The following SDR42E2 variants were observed in gnomAD, a reference collection of about 807,000 sequenced individuals.
SDR42E2 encodes putative short-chain dehydrogenase/reductase family 42E member 2.
SDR42E2 carries 20 observed loss-of-function variants against 10.5 expected under a neutral mutation model. That is an observed-to-expected ratio of 1.90 (90% CI 1.34 to 2.77). The LOEUF (loss-of-function observed/expected upper bound fraction) is 2.77, where lower values mean the gene tolerates loss of function less well. SDR42E2 is among the 30% of genes most tolerant of loss of function. The pLI is 0.00. For synonymous variants in SDR42E2, 72 were observed against 39.2 expected (o/e 1.84, Z -3.12); for missense variants, 162 against 104.2 (o/e 1.55, Z -2.42).
chr16:22,185,837 C>A (rs1296362395), intron 11 of SDR42E2, among the ~76,000 whole-genome samples: 1 of 151,996 alleles, frequency 6.6e-6, no homozygotes, highest in African/African-American at 2.4e-5. Context: ...GAACTCCTGG[C>A]CTGAAGCGAT....
chr16:22,173,741 G>T (rs2046619409), intron 7 of SDR42E2, among the ~76,000 whole-genome samples: 1 of 151,594 alleles, frequency 6.6e-6, no homozygotes, highest in Non-Finnish European at 1.5e-5. Context: ...TCACTATTTG[G>T]GCCGGTACAG....
At position 22,176,554 on chromosome 16, in the gene SDR42E2, A is replaced by T. The variant is rs562604631; in HGVS notation, c.590-1576A>T. The stretch of plus-strand genomic sequence containing the variant: ...ATTTTTTAAATCTTAAACATGAATT[A>T]TGAGGATAAACTGAATACTTTGTAG... On this transcript the variant is annotated intron_variant, in intron 7 of 12. Coordinates refer to ENST00000602312, the MANE Select transcript of SDR42E2 (RefSeq NM_001394319.2). Among the ~76,000 whole-genome samples the T allele has an allele frequency of 2.3e-3, 345 of 152,362 alleles. 1 individual carries two copies. Among genetic ancestry groups the T allele is most frequent in the Admixed American group, 4.3e-3 (66 of 15,292 alleles).
At chr16:22,185,684 T>G (rs2046731661) in intron 11 of SDR42E2, among the ~76,000 whole-genome samples, 1 of 152,148 alleles carries the variant, frequency 6.6e-6, no homozygotes, top group Non-Finnish European at 1.5e-5. Context: ...CATAACTCAC[T>G]GCAGACTCAA....
intron 7 of SDR42E2, among the ~76,000 whole-genome samples, chr16:22,174,746 A>G (rs2046630532): frequency 6.6e-6 from 1 of 152,094 alleles, no homozygotes; most frequent in Admixed American, 6.6e-5. Flanking sequence ...TATTTATATG[A>G]GCATCTGCAG....
Position 22,169,513 on chromosome 16 carries a change from A to T in SDR42E2, c.394+11A>T. The T allele has an allele frequency of 1.4e-6, 1 of 703,522 alleles. No homozygotes were observed. Among genetic ancestry groups the T allele is most frequent in the Non-Finnish European group, 2.6e-6 (1 of 385,114 alleles). The allele number at this position is 703,522 out of a possible 1,614,324, so 43.6% of individuals were successfully genotyped here. On this transcript the variant is annotated intron_variant, in intron 5 of 12. Transcript: ENST00000602312. ...AACTAGTGATTGATGGTAGGTGCTC[A>T]GAGCCGGGTATGACCTGCTGTGCCT... is the stretch of plus-strand genomic sequence containing the variant.
chr16:22,176,782 A>G (rs8044340), intron 7 of SDR42E2, among the ~76,000 whole-genome samples: 40,446 of 151,970 alleles, frequency 0.27, 7,325 homozygotes, highest in East Asian at 0.81. Flanking sequence ...TCAGACTGTA[A>G]CCCCAGACCG....
Position 22,190,175 on chromosome 16 carries a change from G to C in SDR42E2, c.1051G>C (p.Ala351Pro). ...GGCCGTGACGCACACCTTCCAGATA[G>C]CCAAGGCCCGCGCCCAGCTCGGCTA... ...SVAVTHTFQI[A>P]KARAQLGYAP... The change falls in exon 13 of 13, where the codon GCC (alanine) becomes CCC (proline). Residue 351 changes from alanine to proline, a missense_variant. Transcript: ENST00000602312. 5.0e-6 allele frequency: 2 copies of C among 401,142 alleles called. No individual in the cohort carries two copies. Among genetic ancestry groups the C allele is most frequent in the Non-Finnish European group, 8.8e-6 (2 of 226,168 alleles). 24.8% of individuals were successfully genotyped at this position (401,142 alleles called of 1,614,324 possible).
Position 22,166,313 on chromosome 16 carries a change from G to A in SDR42E2, c.119G>A (p.Gly40Glu), listed in dbSNP as rs2046539050. 3 of 402,302 alleles carry A rather than the reference G, an allele frequency of 7.5e-6. No homozygotes were observed. Among genetic ancestry groups the A allele is most frequent in the Admixed American group, 4.4e-5 (1 of 22,780 alleles). 24.9% of individuals were successfully genotyped at this position (402,302 alleles called of 1,614,324 possible). A position where few individuals can be genotyped will look rare whatever the true frequency, so the allele number is the denominator to read the frequency against. ...GCCAGGCAGAAGGTTCTAGTGACTGGAGGAGGAGGCTACCTGGGCTTCAGC... is the reference window on the plus strand; with the variant it reads ...GCCAGGCAGAAGGTTCTAGTGACTGAAGGAGGAGGCTACCTGGGCTTCAGC... ...KAARQKVLVT[G>E]GGGYLGFSLG... The change falls in exon 3 of 13, where the codon GGA becomes GAA. Residue 40 changes from glycine (G) to glutamate (E), a missense_variant. Physicochemically the swap from Gly to Glu is moderately conservative, Grantham distance 98. Transcript: ENST00000602312.
chr16:22,188,177 A>G (rs1306263065), intron 12 of SDR42E2, among the ~76,000 whole-genome samples: 1 of 152,040 alleles, frequency 6.6e-6, no homozygotes, highest in East Asian at 1.9e-4. Context: ...TCAAAAAAAA[A>G]TCGTGATCTC....
In SDR42E2 at chr16:22,182,193, T is replaced by C; in HGVS notation, c.811-19T>C. Reference sequence around the variant, plus strand: ...GCTGGGGAGAAGGCTGACCGTCCCCTCCCACATGTCCCCTTCAGAGTGGGC... The same window carrying C: ...GCTGGGGAGAAGGCTGACCGTCCCCCCCCACATGTCCCCTTCAGAGTGGGC... On this transcript the variant is annotated intron_variant, in intron 9 of 12. Coordinates refer to ENST00000602312, the MANE Select transcript of SDR42E2 (RefSeq NM_001394319.2). 2.5e-6 allele frequency: 1 copy of C among 405,404 alleles called. No individual in the cohort carries two copies. Among genetic ancestry groups the C allele is most frequent in the Non-Finnish European group, 4.4e-6 (1 of 229,336 alleles). The allele number at this position is 405,404 out of a possible 1,614,324, so 25.1% of individuals were successfully genotyped here.
intron 8 of SDR42E2, 110 bp downstream of exon 8, chr16:22,178,322 G>T: frequency 1.6e-6 from 1 of 621,148 alleles, no homozygotes; most frequent in Non-Finnish European, 2.9e-6. Context: ...GAGGCTAAGT[G>T]TCCTGAGCCT....
intron 2 of SDR42E2, 39 bp downstream of exon 2, chr16:22,165,676 G>A (rs1219292161): frequency 2.5e-6 from 1 of 401,588 alleles, no homozygotes; most frequent in East Asian, 3.6e-5. Context: ...CTGTGGAGAG[G>A]TCTCAGGTCC....
intron 8 of SDR42E2, among the ~76,000 whole-genome samples, chr16:22,178,676 G>A (rs780606245): frequency 5.6e-4 from 85 of 152,236 alleles, no homozygotes; most frequent in Non-Finnish European, 9.3e-4. Context: ...ATGTGGGGAG[G>A]GCTGTGGAGA....
chr16:22,189,464 G>C (rs1380261345), intron 12 of SDR42E2, among the ~76,000 whole-genome samples: 1 of 152,172 alleles, frequency 6.6e-6, no homozygotes, highest in African/African-American at 2.4e-5. Flanking sequence ...GATTAAATGA[G>C]GTAGGGCATA....
intron 11 of SDR42E2, among the ~76,000 whole-genome samples, chr16:22,184,522 A>G (rs2046722068): frequency 6.6e-6 from 1 of 152,180 alleles, no homozygotes; most frequent in Non-Finnish European, 1.5e-5. Context: ...GAATTGCTGT[A>G]ACCCAGGAGG....
At chr16:22,187,991 G>T (rs1364258864) in intron 12 of SDR42E2, among the ~76,000 whole-genome samples, 1 of 151,886 alleles carries the variant, frequency 6.6e-6, no homozygotes, top group African/African-American at 2.4e-5. Flanking sequence ...AGCTACTCGG[G>T]ATGCTGAGGC....
intron 8 of SDR42E2, among the ~76,000 whole-genome samples, 178 bp from the exon 9 acceptor site, chr16:22,181,341 G>T (rs1293601251): frequency 6.6e-6 from 1 of 152,118 alleles, no homozygotes; most frequent in Non-Finnish European, 1.5e-5. Context: ...TCCAGGAGCT[G>T]GTGAGTTTGA....
At chr16:22,171,090 C>T (rs924561970) in intron 6 of SDR42E2, 139 bp downstream of exon 6, 17 of 647,556 alleles carry the variant, frequency 2.6e-5, no homozygotes, top group East Asian at 1.4e-4. Context: ...AACTGGGTGG[C>T]GTCAGCACTC....
intron 12 of SDR42E2, among the ~76,000 whole-genome samples, chr16:22,189,629 T>A (rs1165136643): frequency 6.6e-6 from 1 of 152,168 alleles, no homozygotes; most frequent in Admixed American, 6.5e-5. Context: ...ATAATCGAAT[T>A]CCTCTCTTAG....
Sources: allele counts gnomAD v4.1 joint callset (sites outside exome capture counted in the v4.1 genomes callset), GRCh38; gene constraint gnomAD v4.1.1; transcripts MANE v1.5; gene names NCBI Gene and HGNC (gene_info 2026-07-23, HGNC 2026-07-21).